The following ADAMTS12 variants were observed in gnomAD, a reference collection of about 807,000 sequenced individuals.
The protein encoded by ADAMTS12 is A disintegrin and metalloproteinase with thrombospondin motifs 12.
A neutral mutation model predicts 167.8 loss-of-function variants in ADAMTS12; 118 were observed. The observed-to-expected ratio is 0.70, with a 90% CI of 0.61 to 0.82. The LOEUF (loss-of-function observed/expected upper bound fraction) is 0.82. Ranked by LOEUF, ADAMTS12 falls within the 40% of genes least tolerant of loss-of-function variation. ADAMTS12 has a pLI of 0.00. For missense variants in ADAMTS12, 1,916 were observed against 1,998.8 expected (o/e 0.96, Z 0.79); for synonymous variants, 704 against 716.9 (o/e 0.98, Z 0.29).
chr5:33,700,867 AT>A (rs71600923), intron 3 of ADAMTS12, among the ~76,000 whole-genome samples: 21,462 of 152,178 alleles, frequency 0.14, 1,854 homozygotes, highest in East Asian at 0.27. Flanking sequence ...CTCAGTAATA[AT>A]TTTATTTAAA....
chr5:33,562,970 G>A (rs1414773527), intron 19 of ADAMTS12, among the ~76,000 whole-genome samples: 1 of 152,052 alleles, frequency 6.6e-6, no homozygotes, highest in Non-Finnish European at 1.5e-5. Context: ...TTTTGTGCAC[G>A]TTCTTGTGTT....
chr5:33,683,162 G>T, intron 4 of ADAMTS12, 61 bp from the exon 5 acceptor site: 1 of 1,283,978 alleles, frequency 7.8e-7, no homozygotes. Flanking sequence ...AAATACCAGA[G>T]AAGAAAATAG....
chr5:33,812,984 G>C (rs1418649094), intron 2 of ADAMTS12, among the ~76,000 whole-genome samples: 1 of 152,148 alleles, frequency 6.6e-6, no homozygotes, highest in Non-Finnish European at 1.5e-5. Context: ...ATGTGAAGGA[G>C]AATCAAAGCA....
intron 2 of ADAMTS12, among the ~76,000 whole-genome samples, chr5:33,872,837 G>C (rs1324247332): frequency 6.6e-6 from 1 of 152,026 alleles, no homozygotes; most frequent in Admixed American, 6.6e-5. Flanking sequence ...ACAGGCTAAA[G>C]AAAAAAATTA....
At chr5:33,631,463 C>A (rs2112146872) in intron 12 of ADAMTS12, among the ~76,000 whole-genome samples, 1 of 124,374 alleles carries the variant, frequency 8.0e-6, no homozygotes, top group African/African-American at 2.5e-5. Context: ...GATTGACAAC[C>A]ATGTAGAAAC....
intron 2 of ADAMTS12, among the ~76,000 whole-genome samples, chr5:33,752,873 C>T (rs1745039331): frequency 1.3e-5 from 2 of 152,246 alleles, no homozygotes; most frequent in African/African-American, 4.8e-5. Flanking sequence ...CTGGTCTCCA[C>T]TGGACAGCTC....
intron 2 of ADAMTS12, among the ~76,000 whole-genome samples, chr5:33,824,192 C>T (rs941846071): frequency 2.0e-5 from 3 of 152,140 alleles, no homozygotes; most frequent in Non-Finnish European, 4.4e-5. Context: ...TGGGCTAGGG[C>T]TTTATATGGT....
intron 5 of ADAMTS12, among the ~76,000 whole-genome samples, chr5:33,675,767 T>A (rs910495510): frequency 7.9e-5 from 12 of 152,190 alleles, no homozygotes; most frequent in African/African-American, 2.9e-4. Flanking sequence ...TCTCCAAGTC[T>A]CAGAAGGGGT....
intron 19 of ADAMTS12, among the ~76,000 whole-genome samples, chr5:33,569,037 G>T (rs1347136469): frequency 6.6e-6 from 1 of 152,232 alleles, no homozygotes; most frequent in African/African-American, 2.4e-5. Context: ...CAGCAAGGCT[G>T]GGGGAGGGGC....
intron 22 of ADAMTS12, among the ~76,000 whole-genome samples, chr5:33,545,017 A>C (rs1744902329): frequency 1.3e-5 from 2 of 152,240 alleles, no homozygotes; most frequent in Non-Finnish European, 2.9e-5. Flanking sequence ...AATGGGATCT[A>C]ATTAAACTAA....
intron 17 of ADAMTS12, 41 bp from the exon 18 acceptor site, chr5:33,588,850 T>A (rs747373953): frequency 6.2e-7 from 1 of 1,603,806 alleles, no homozygotes; most frequent in South Asian, 1.1e-5. Flanking sequence ...ATCGCCAACT[T>A]ACGCATATGT....
At chr5:33,588,923 A>G in intron 17 of ADAMTS12, 114 bp from the exon 18 acceptor site, 2 of 1,279,798 alleles carry the variant, frequency 1.6e-6, no homozygotes, top group Non-Finnish European at 2.2e-6. Context: ...AGGGCCATGG[A>G]GACACTCCAA....
intron 5 of ADAMTS12, among the ~76,000 whole-genome samples, chr5:33,664,604 T>C (rs146072956): frequency 4.1e-4 from 63 of 152,278 alleles, no homozygotes; most frequent in African/African-American, 1.5e-3. Flanking sequence ...CAATATGATA[T>C]CGTCTCATAC....
chr5:33,615,201 C>A (rs13165202), intron 15 of ADAMTS12, among the ~76,000 whole-genome samples: 26,626 of 152,196 alleles, frequency 0.17, 2,458 homozygotes, highest in East Asian at 0.25. Context: ...TGGATCACAA[C>A]TGCCACGCTT....
intron 19 of ADAMTS12, among the ~76,000 whole-genome samples, chr5:33,566,710 T>C (rs1042827473): frequency 6.6e-6 from 1 of 152,228 alleles, no homozygotes; most frequent in African/African-American, 2.4e-5. Context: ...CAGAGAGTGC[T>C]AGATATTCAC....
intron 13 of ADAMTS12, among the ~76,000 whole-genome samples, chr5:33,626,548 ATGG>A (rs1283715982): frequency 7.2e-5 from 10 of 139,040 alleles, no homozygotes; most frequent in South Asian, 2.4e-4. Context: ...AATGGTAATG[ATGG>A]TGGTGGTGGT....
intron 3 of ADAMTS12, among the ~76,000 whole-genome samples, chr5:33,710,665 T>C (rs1561228381): frequency 6.6e-6 from 1 of 152,146 alleles, no homozygotes; most frequent in Admixed American, 6.5e-5. Context: ...TTAGAGGTTG[T>C]CCTATGCACT....
chr5:33,702,783 T>C (rs535542079), intron 3 of ADAMTS12, among the ~76,000 whole-genome samples: 9 of 152,324 alleles, frequency 5.9e-5, no homozygotes, highest in African/African-American at 2.2e-4. Context: ...GTGAGCTTGA[T>C]GGATTCTACC....
intron 3 of ADAMTS12, among the ~76,000 whole-genome samples, chr5:33,744,951 G>A (rs570173380): frequency 2.2e-3 from 342 of 152,274 alleles, no homozygotes; most frequent in African/African-American, 8.0e-3. Context: ...GTAGCTGGGA[G>A]TACAGGTGTG....
Sources: allele counts gnomAD v4.1 joint callset (sites outside exome capture counted in the v4.1 genomes callset), GRCh38; gene constraint gnomAD v4.1.1; transcripts MANE v1.5; gene names NCBI Gene and HGNC (gene_info 2026-07-23, HGNC 2026-07-21).